Variants in SOCS5 observed in about 807,000 individuals in gnomAD.
SOCS5 encodes the protein CIS-6.
In SOCS5, 32 loss-of-function variants were observed where a neutral mutation model predicts 42.8. That is an observed-to-expected ratio of 0.75 (90% CI 0.56 to 1.01). The LOEUF (loss-of-function observed/expected upper bound fraction) is 1.01. Ranked by LOEUF, SOCS5 falls within the 50% of genes least tolerant of loss-of-function variation. SOCS5 has a pLI of 0.00. For missense variants in SOCS5, 627 were observed against 653.0 expected (o/e 0.96, Z 0.43); for synonymous variants, 283 against 229.6 (o/e 1.23, Z -2.10).
At chr2:46,704,401 A>G (rs1307017641) in intron 1 of SOCS5, among the ~76,000 whole-genome samples, 1 of 152,230 alleles carries the variant, frequency 6.6e-6, no homozygotes, top group Non-Finnish European at 1.5e-5. Flanking sequence ...ATGGAATGGA[A>G]ATGATACGGG....
chr2:46,705,146 A>G (rs1395234439), intron 1 of SOCS5, among the ~76,000 whole-genome samples: 1 of 152,230 alleles, frequency 6.6e-6, no homozygotes, highest in Admixed American at 6.5e-5. Flanking sequence ...AAACACTTTT[A>G]CTTACTTTAC....
At chr2:46,724,783 G>T (rs189851039) in intron 1 of SOCS5, among the ~76,000 whole-genome samples, 1 of 151,988 alleles carries the variant, frequency 6.6e-6, no homozygotes, top group Non-Finnish European at 1.5e-5. Flanking sequence ...GGCCTAGGAT[G>T]TGATCTGTCT....
At chr2:46,712,435 C>T (rs1293205014) in intron 1 of SOCS5, among the ~76,000 whole-genome samples, 2 of 149,262 alleles carry the variant, frequency 1.3e-5, no homozygotes, top group Non-Finnish European at 2.9e-5. Flanking sequence ...CCCCCGCCTC[C>T]TGGGTTCAAG....
At chr2:46,715,807 G>A (rs758843477) in intron 1 of SOCS5, among the ~76,000 whole-genome samples, 5 of 152,068 alleles carry the variant, frequency 3.3e-5, no homozygotes, top group Admixed American at 6.6e-5. Context: ...ATTGAGTTTC[G>A]TGGATCTGTG....
At chr2:46,733,428 G>A (rs1673171629) in intron 1 of SOCS5, among the ~76,000 whole-genome samples, 1 of 152,040 alleles carries the variant, frequency 6.6e-6, no homozygotes, top group Admixed American at 6.6e-5. Context: ...AGAATAACTA[G>A]TTGGGTGTGG....
chr2:46,720,538 A>C (rs1433090782), intron 1 of SOCS5, among the ~76,000 whole-genome samples: 2 of 152,200 alleles, frequency 1.3e-5, no homozygotes, highest in Non-Finnish European at 2.9e-5. Context: ...ACAGCTTGGT[A>C]TTTTTTATAA....
At chr2:46,733,793 C>T (rs555946250) in intron 1 of SOCS5, among the ~76,000 whole-genome samples, 4 of 152,006 alleles carry the variant, frequency 2.6e-5, no homozygotes, top group Non-Finnish European at 2.9e-5. Flanking sequence ...TGTTTTGGTG[C>T]CTGTTACAGA....
rs373780921 is a variant in SOCS5 at position 46,759,002 on chromosome 2, G to A, written c.472G>A (p.Val158Ile). Residue 158 changes from valine to isoleucine, a missense_variant, in exon 2 of 2, where the codon GTA becomes ATA. Coordinates refer to ENST00000394861, the MANE Select transcript of SOCS5 (RefSeq NM_144949.3). ...TCAAAGGAGAGAGAGGCGCTACGGCGTAAGTTCTGTACACGACATGGACAG... is the reference window on the plus strand; with the variant it reads ...TCAAAGGAGAGAGAGGCGCTACGGCATAAGTTCTGTACACGACATGGACAG... ...GLQRRERRYGVSSVHDMDSVS... is the reference protein window; with the variant it reads ...GLQRRERRYGISSVHDMDSVS... 24 of 1,613,848 alleles carry A rather than the reference G, an allele frequency of 1.5e-5. No homozygotes were observed. The highest frequency in any genetic ancestry group is 2.7e-5 in the African/African-American group (2 of 74,926).
intron 1 of SOCS5, among the ~76,000 whole-genome samples, chr2:46,745,640 C>G (rs1228208469): frequency 1.3e-5 from 2 of 152,138 alleles, no homozygotes; most frequent in Non-Finnish European, 2.9e-5. Flanking sequence ...AATCACAGAT[C>G]TTTGAGGTTA....
At chr2:46,747,865 A>G (rs1470356669) in intron 1 of SOCS5, among the ~76,000 whole-genome samples, 1 of 152,198 alleles carries the variant, frequency 6.6e-6, no homozygotes, top group Non-Finnish European at 1.5e-5. Context: ...CAAATGTTAA[A>G]ATGAATATTT....
intron 1 of SOCS5, among the ~76,000 whole-genome samples, chr2:46,756,356 C>T (rs1340392021): frequency 6.6e-6 from 1 of 152,058 alleles, no homozygotes; most frequent in Admixed American, 6.6e-5. Flanking sequence ...CTGAAAGGGG[C>T]TAGATAGAAA....
At chr2:46,755,683 T>C (rs910982822) in intron 1 of SOCS5, among the ~76,000 whole-genome samples, 1 of 152,218 alleles carries the variant, frequency 6.6e-6, no homozygotes, top group Non-Finnish European at 1.5e-5. Flanking sequence ...TAACGCTTTT[T>C]TTAGCCCTGT....
chr2:46,707,039 T>C (rs1371734725), intron 1 of SOCS5, among the ~76,000 whole-genome samples: 5 of 152,214 alleles, frequency 3.3e-5, no homozygotes, highest in African/African-American at 9.7e-5. Context: ...ATACTGATGT[T>C]CCTTTGAAGA....
rs548754649 is a variant in SOCS5, at chr2:46,759,156, A to G, written c.626A>G (p.His209Arg). ...CTCTTTTCCAATAAAAGAAAAATCC[A>G]TCTCTCTGAATTAATGCTTGAGAAA... ...KPLFSNKRKI[H>R]LSELMLEKCP... Residue 209 changes from histidine to arginine, a missense_variant, in exon 2 of 2, where the codon CAT becomes CGT. Coordinates refer to ENST00000394861, the MANE Select transcript of SOCS5 (RefSeq NM_144949.3). 6.2e-7 allele frequency: 1 copy of G among 1,613,990 alleles called. No homozygotes were observed. The highest frequency in any genetic ancestry group is 8.5e-7 in the Non-Finnish European group (1 of 1,179,858).
Position 46,758,684 on chromosome 2 carries a change from C to T in SOCS5, c.154C>T (p.Pro52Ser), listed in dbSNP as rs56047066. 1 of 1,614,140 alleles carries T rather than the reference C, an allele frequency of 6.2e-7. No individual in the cohort carries two copies. Residue 52 changes from proline (P) to serine (S), a missense_variant, in exon 2 of 2, where the codon CCT becomes TCT. Around this residue, in one of 3 missense-constraint regions of SOCS5, gnomAD observed 278 missense variants for 246.3 expected, o/e 1.13. Transcript: ENST00000394861. ...AAACATCAGCATAGGAGACTCAACT[C>T]CTCAGCAACAAAGCAGTCCCTTAAG... ...EKNISIGDST[P>S]QQQSSPLREN...
At chr2:46,743,954 G>A (rs1373099000) in intron 1 of SOCS5, among the ~76,000 whole-genome samples, 1 of 151,432 alleles carries the variant, frequency 6.6e-6, no homozygotes, top group Non-Finnish European at 1.5e-5. Context: ...TTTTTGTGTG[G>A]GTCTTTATAT....
At chr2:46,732,235 G>T (rs1673143320) in intron 1 of SOCS5, among the ~76,000 whole-genome samples, 1 of 152,238 alleles carries the variant, frequency 6.6e-6, no homozygotes, top group African/African-American at 2.4e-5. Flanking sequence ...TAGTAGAACT[G>T]ACTGTATCAG....
At chr2:46,720,468 A>G (rs1367062028) in intron 1 of SOCS5, among the ~76,000 whole-genome samples, 1 of 152,218 alleles carries the variant, frequency 6.6e-6, no homozygotes, top group Non-Finnish European at 1.5e-5. Flanking sequence ...CTTTGTGTCT[A>G]TGGTAAGAAT....
intron 1 of SOCS5, among the ~76,000 whole-genome samples, chr2:46,741,405 A>G (rs1004050406): frequency 1.6e-4 from 25 of 152,120 alleles, no homozygotes; most frequent in African/African-American, 6.0e-4. Context: ...TGCCGGGCTA[A>G]TTTTTGTATT....
Sources: allele counts gnomAD v4.1 joint callset (sites outside exome capture counted in the v4.1 genomes callset), GRCh38; gene constraint gnomAD v4.1.1; regional missense constraint gnomAD v4.1.1; transcripts MANE v1.5; gene names NCBI Gene and HGNC (gene_info 2026-07-23, HGNC 2026-07-21).